SEPTIN9: variants seen among roughly 807,000 people sequenced by gnomAD.
SEPTIN9 encodes the protein septin-9.
In SEPTIN9, 13 loss-of-function variants were observed where a neutral mutation model predicts 56.6. The observed-to-expected ratio is 0.23, with a 90% confidence interval of 0.15 to 0.37. The LOEUF (loss-of-function observed/expected upper bound fraction) is 0.37. SEPTIN9 is among the 10% of genes least tolerant of loss of function. SEPTIN9 has a pLI of 1.00. For missense variants in SEPTIN9, 650 were observed against 823.1 expected (o/e 0.79, Z 2.57); for synonymous variants, 332 against 334.1 (o/e 0.99, Z 0.07).
At chr17:77,401,232 G>A (rs963495656) in intron 2 of SEPTIN9, among the ~76,000 whole-genome samples, 3 of 152,174 alleles carry the variant, frequency 2.0e-5, no homozygotes, top group South Asian at 2.1e-4. Context: ...TGATGAGCTC[G>A]GTAGGCCCGG....
intron 2 of SEPTIN9, among the ~76,000 whole-genome samples, chr17:77,362,114 G>A (rs553197788): frequency 1.3e-5 from 2 of 152,330 alleles, no homozygotes; most frequent in African/African-American, 2.4e-5. Flanking sequence ...CCTTGAAATC[G>A]ATGCCCCGTA....
intron 2 of SEPTIN9, among the ~76,000 whole-genome samples, chr17:77,395,395 GC>G (rs1264626966): frequency 2.0e-5 from 3 of 152,068 alleles, no homozygotes; most frequent in Non-Finnish European, 2.9e-5. Context: ...AGACGTGGTG[GC>G]CGGGCACCTG....
chr17:77,467,918 G>A (rs2144545443), intron 3 of SEPTIN9, among the ~76,000 whole-genome samples: 1 of 152,256 alleles, frequency 6.6e-6, no homozygotes, highest in African/African-American at 2.4e-5. Flanking sequence ...AGGTTTTGTG[G>A]GTAGTGAATG....
At chr17:77,378,516 AG>A (rs768296853) in intron 2 of SEPTIN9, among the ~76,000 whole-genome samples, 61 of 152,046 alleles carry the variant, frequency 4.0e-4, no homozygotes, top group Non-Finnish European at 6.5e-4. Context: ...GGGCGGGAAA[AG>A]GGGGCATTTG....
chr17:77,382,763 G>A (rs1206269546), intron 2 of SEPTIN9, among the ~76,000 whole-genome samples: 1 of 152,224 alleles, frequency 6.6e-6, no homozygotes, highest in Non-Finnish European at 1.5e-5. Flanking sequence ...GTCGGGTGGG[G>A]GAGGAGATCC....
rs567561155 is a variant in SEPTIN9 at position 77,482,034 on chromosome 17, AGCCTCAGT to A, written c.722-101_722-94del. ...CTGGGCAAGTCGCTTAGCCTTTCTG[AGCCTCAGT>A]GCCTCAGTTTCCCCATCCAAGGATG... On this transcript the variant is annotated intron_variant, in intron 3 of 11. Transcript: ENST00000427177. The A allele has an allele frequency of 1.5e-4, 164 of 1,064,046 alleles. No homozygotes were observed. In the African/African-American group the frequency reaches 2.4e-3, roughly 16 times the overall value. The allele number at this position is 1,064,046 out of a possible 1,614,324, so 65.9% of individuals were successfully genotyped here.
At chr17:77,356,479 G>A (rs2034243084) in intron 2 of SEPTIN9, among the ~76,000 whole-genome samples, 1 of 151,286 alleles carries the variant, frequency 6.6e-6, no homozygotes, top group South Asian at 2.1e-4. Context: ...TCCGCTTCCT[G>A]ATGGAAAAAT....
rs181966902 is a variant in SEPTIN9, at chr17:77,295,323, C to G, written c.20-11818C>G. Among the ~76,000 whole-genome samples the G allele has an allele frequency of 5.0e-3, 768 of 152,254 alleles. 9 individuals are homozygous for G. Among genetic ancestry groups the G allele is most frequent in the African/African-American group, 0.017 (720 of 41,558 alleles). The stretch of plus-strand genomic sequence containing the variant: ...TGGCAGCAGGGTGCCACCACCACCC[C>G]TAGGTGGGGATGAGAGGGAGGAAGT... On this transcript the variant is annotated intron_variant, in intron 1 of 11. Coordinates refer to ENST00000427177, the MANE Select transcript of SEPTIN9 (RefSeq NM_001113491.2).
At position 77,433,744 on chromosome 17, in the gene SEPTIN9, C is replaced by T. The variant is rs900983012; in HGVS notation, c.721+31041C>T. Among the ~76,000 whole-genome samples, 15 of 152,276 alleles carry T rather than the reference C, an allele frequency of 9.9e-5. No individual in the cohort carries two copies. Among genetic ancestry groups the T allele is most frequent in the Middle Eastern group, 6.8e-3 (2 of 292 alleles). ...CCTTCTCCTGCACCTCCCGAACCCC[C>T]GTTCCCTGTGAGTTAGATGGGGAGT... On this transcript the variant is annotated intron_variant, in intron 3 of 11. Coordinates refer to ENST00000427177, the MANE Select transcript of SEPTIN9 (RefSeq NM_001113491.2). This position sits in a 1 kb window ranked among gnomAD's most constrained non-coding sequence, Gnocchi z 6.4.
At chr17:77,307,100 A>G (rs2032299887) in intron 1 of SEPTIN9, 41 bp from the exon 2 acceptor site, 2 of 1,591,184 alleles carry the variant, frequency 1.3e-6, no homozygotes, top group African/African-American at 1.3e-5. Context: ...GGAGAGCGCC[A>G]GTGGCCTTGT....
In SEPTIN9 at chr17:77,500,154, G is replaced by A. The variant is rs918964923; in HGVS notation, c.*1496G>A. ...TGCTTGCAGCCAGGAGAAGGTCAGC[G>A]AGAAGGAGTGTATGAGTGTGAGTGT... On this transcript the variant is annotated 3_prime_UTR_variant, in exon 12 of 12. Coordinates refer to ENST00000427177, the MANE Select transcript of SEPTIN9 (RefSeq NM_001113491.2). The A allele has an allele frequency of 9.0e-5, 21 of 233,254 alleles. No individual in the cohort carries two copies. The highest frequency in any genetic ancestry group is 1.4e-4 in the Non-Finnish European group (17 of 118,094). The allele number at this position is 233,254 out of a possible 1,614,324, so 14.4% of individuals were successfully genotyped here.
chr17:77,495,171 G>A (rs531409074), intron 10 of SEPTIN9, among the ~76,000 whole-genome samples: 1 of 124,842 alleles, frequency 8.0e-6, no homozygotes, highest in South Asian at 2.4e-4. Flanking sequence ...AAACTGTCAG[G>A]AAATGCACAA....
intron 2 of SEPTIN9, among the ~76,000 whole-genome samples, chr17:77,370,572 C>T (rs754873026): frequency 2.0e-5 from 3 of 152,226 alleles, no homozygotes; most frequent in East Asian, 1.9e-4. Flanking sequence ...ACTGAAGACG[C>T]AGGCGGTCCC....
chr17:77,482,546 T>C lies in SEPTIN9; in HGVS notation c.913+211T>C, dbSNP rs761976298. 6.4e-5 allele frequency: 45 copies of C among 705,920 alleles called. 1 individual carries two copies. Among genetic ancestry groups the C allele is most frequent in the African/African-American group, 6.3e-4 (36 of 57,250 alleles). 43.7% of individuals were successfully genotyped at this position (705,920 alleles called of 1,614,324 possible). A position where few individuals can be genotyped will look rare whatever the true frequency, so the allele number is the denominator to read the frequency against. The stretch of plus-strand genomic sequence containing the variant: ...AGCGGCTCCTCAGAGGGGCCTGTCC[T>C]GCACATCCAGGGCCCCTGAGATGAC... On this transcript the variant is annotated intron_variant, in intron 4 of 11. Coordinates refer to ENST00000427177, the MANE Select transcript of SEPTIN9 (RefSeq NM_001113491.2).
chr17:77,493,536 C>CGA (rs2040125635), intron 10 of SEPTIN9, among the ~76,000 whole-genome samples: 1 of 152,122 alleles, frequency 6.6e-6, no homozygotes, highest in South Asian at 2.1e-4. Flanking sequence ...TTAGCACAAA[C>CGA]GAGGGGACTT....
intron 2 of SEPTIN9, among the ~76,000 whole-genome samples, chr17:77,328,232 C>T (rs1191041266): frequency 1.3e-5 from 2 of 152,248 alleles, no homozygotes; most frequent in African/African-American, 2.4e-5. Flanking sequence ...TGCCTCTCCC[C>T]ACTTTCCTAA....
chr17:77,304,044 C>T lies in SEPTIN9; in HGVS notation c.20-3097C>T, dbSNP rs1232876638. Among the ~76,000 whole-genome samples the T allele has an allele frequency of 2.6e-5, 4 of 152,222 alleles. 1 individual carries two copies. The highest frequency in any genetic ancestry group is 5.9e-5 in the Non-Finnish European group (4 of 68,044). Reference sequence around the variant, plus strand: ...TTTAAAATCACATAAAGATAACTCACTTCTCAACTGGAGCCACGGAATCGT... The same window carrying T: ...TTTAAAATCACATAAAGATAACTCATTTCTCAACTGGAGCCACGGAATCGT... On this transcript the variant is annotated intron_variant, in intron 1 of 11. Coordinates refer to ENST00000427177, the MANE Select transcript of SEPTIN9 (RefSeq NM_001113491.2).
intron 8 of SEPTIN9, 41 bp downstream of exon 8, chr17:77,490,900 C>T: frequency 1.4e-6 from 2 of 1,465,710 alleles, no homozygotes; most frequent in Non-Finnish European, 1.9e-6. Flanking sequence ...TTCTGTGCAA[C>T]CTGGAGACGC....
intron 2 of SEPTIN9, among the ~76,000 whole-genome samples, chr17:77,312,431 C>A (rs145511659): frequency 6.6e-6 from 1 of 152,142 alleles, no homozygotes; most frequent in Admixed American, 6.5e-5. Context: ...GTGCTCGGGC[C>A]CCCCCTGGAT....
Sources: gnomAD v4.1 joint callset for allele counts (sites outside exome capture counted in the v4.1 genomes callset) on GRCh38, gnomAD v4.1.1 for gene constraint, Gnocchi (gnomAD v3.1) non-coding constraint, MANE v1.5 for transcripts, NCBI Gene and HGNC (gene_info 2026-07-23, HGNC 2026-07-21) for gene names.